RNF38: variants seen among roughly 807,000 people sequenced by gnomAD.
RNF38 encodes the protein ring finger protein 38.
A neutral mutation model predicts 67.2 loss-of-function variants in RNF38; 15 were observed. That is an observed-to-expected ratio of 0.22 (90% CI 0.15 to 0.34). RNF38 has a LOEUF of 0.34. RNF38 is among the 10% of genes least tolerant of loss of function. The pLI, the probability that RNF38 is intolerant of heterozygous loss-of-function variation, is 1.00. For missense variants in RNF38, 524 were observed against 639.9 expected (o/e 0.82, Z 1.95); for synonymous variants, 220 against 218.8 (o/e 1.01, Z -0.05).
chr9:36,387,498 TA>T (rs1256586737), intron 2 of RNF38, among the ~76,000 whole-genome samples: 1 of 152,198 alleles, frequency 6.6e-6, no homozygotes, highest in Admixed American at 6.5e-5. Flanking sequence ...TGCCTAATTT[TA>T]AAACTTTAAG....
upstream of RNF38, chr9:36,401,152 T>G: frequency 1.0e-6 from 1 of 982,684 alleles, no homozygotes; most frequent in Non-Finnish European, 1.2e-6. Context: ...TCCCCCAGGC[T>G]CCGCACCGCG....
At chr9:36,404,576 G>C (rs938125721), upstream of RNF38, among the ~76,000 whole-genome samples, 13 of 152,170 alleles carry the variant, frequency 8.5e-5, no homozygotes, top group African/African-American at 2.4e-4. Flanking sequence ...CTATTTACTT[G>C]AGTCTTTAAT....
At chr9:36,373,388 G>C (rs1343529534) in intron 3 of RNF38, among the ~76,000 whole-genome samples, 2 of 151,952 alleles carry the variant, frequency 1.3e-5, no homozygotes, top group Non-Finnish European at 2.9e-5. Flanking sequence ...ATTTAAAGGA[G>C]AACAGGCAAA....
chr9:36,344,362 A>G (rs1563993919), intron 10 of RNF38, among the ~76,000 whole-genome samples: 1 of 152,196 alleles, frequency 6.6e-6, no homozygotes, highest in Non-Finnish European at 1.5e-5. Context: ...TGTAAATTAT[A>G]TATCAATAAA....
intron 9 of RNF38, among the ~76,000 whole-genome samples, chr9:36,350,339 A>C (rs546453067): frequency 6.6e-6 from 1 of 152,348 alleles, no homozygotes; most frequent in African/African-American, 2.4e-5. Flanking sequence ...GTAGTGGCAG[A>C]GTTTGGACTC....
intron 2 of RNF38, among the ~76,000 whole-genome samples, chr9:36,382,506 TAAAGAA>T (rs927043980): frequency 2.0e-4 from 30 of 152,324 alleles, no homozygotes; most frequent in African/African-American, 6.3e-4. Context: ...CATTAAAGGC[TAAAGAA>T]AAACAATTTT....
At chr9:36,383,907 C>A (rs936631470) in intron 2 of RNF38, among the ~76,000 whole-genome samples, 5 of 151,940 alleles carry the variant, frequency 3.3e-5, no homozygotes, top group African/African-American at 9.7e-5. Context: ...GCAATCACAC[C>A]ATGATGAATA....
chr9:36,427,667 CTATCTATCTATCT>C (rs1838807968), intron 1 of RNF38, among the ~76,000 whole-genome samples: 1 of 31,110 alleles, frequency 3.2e-5, no homozygotes, highest in Non-Finnish European at 1.2e-4. Flanking sequence ...CTCTATCTAT[CTATCTATCTATCT>C]ATCTATCTAT....
intron 2 of RNF38, among the ~76,000 whole-genome samples, chr9:36,416,357 C>A (rs1211193385): frequency 1.3e-5 from 2 of 152,114 alleles, no homozygotes; most frequent in Admixed American, 1.3e-4. Flanking sequence ...CCTCCACAAC[C>A]AGCAAGGCCG....
At chr9:36,451,491 GTTTTTTTTTTTTTT>G (rs374396585) in intron 1 of RNF38, among the ~76,000 whole-genome samples, 10 of 58,670 alleles carry the variant, frequency 1.7e-4, no homozygotes, top group African/African-American at 3.3e-4. Context: ...AATTGTAGTA[GTTTTTTTTTTTTTT>G]TTTTTTTTTT....
At chr9:36,455,602 G>A (rs1022537956) in intron 1 of RNF38, among the ~76,000 whole-genome samples, 11 of 151,946 alleles carry the variant, frequency 7.2e-5, no homozygotes. Context: ...CCAAGATGGT[G>A]AAACCCCGTC....
chr9:36,477,680 G>T (rs145252043), intron 1 of RNF38, among the ~76,000 whole-genome samples: 1 of 151,690 alleles, frequency 6.6e-6, no homozygotes, highest in Admixed American at 6.6e-5. Context: ...AAAATTAGCC[G>T]GGCGTGGTGG....
intron 2 of RNF38, among the ~76,000 whole-genome samples, chr9:36,418,431 T>A (rs1838530744): frequency 6.6e-6 from 1 of 150,996 alleles, no homozygotes; most frequent in South Asian, 2.1e-4. Flanking sequence ...AGCAGGTGGA[T>A]CACTTGAGGA....
At chr9:36,390,432 A>C in intron 2 of RNF38, 35 bp downstream of exon 2, 1 of 1,559,132 alleles carries the variant, frequency 6.4e-7, no homozygotes, top group Non-Finnish European at 8.7e-7. Flanking sequence ...TGTGACTTTC[A>C]GCCCTATGTA....
upstream of RNF38, among the ~76,000 whole-genome samples, chr9:36,403,654 G>GA (rs1280043359): frequency 6.6e-6 from 1 of 152,124 alleles, no homozygotes; most frequent in African/African-American, 2.4e-5. Context: ...TACTGAACAG[G>GA]AAAATGCTGA....
chr9:36,392,000 C>T (rs148382135), intron 1 of RNF38, among the ~76,000 whole-genome samples: 1 of 152,254 alleles, frequency 6.6e-6, no homozygotes, highest in East Asian at 1.9e-4. Flanking sequence ...ACGCTAGGCA[C>T]TAGGTGCTAT....
intron 1 of RNF38, among the ~76,000 whole-genome samples, chr9:36,399,790 T>C (rs1837854639): frequency 6.6e-6 from 1 of 152,118 alleles, no homozygotes; most frequent in Non-Finnish European, 1.5e-5. Flanking sequence ...TTTTAAAGCC[T>C]ACATACAAGG....
intron 2 of RNF38, among the ~76,000 whole-genome samples, chr9:36,415,235 G>T: frequency 6.6e-6 from 1 of 151,944 alleles, no homozygotes; most frequent in Non-Finnish European, 1.5e-5. Flanking sequence ...GCTTTATTCA[G>T]TTTTTTTCTT....
In RNF38 at chr9:36,359,765, G is replaced by A. The variant is rs1834385174; in HGVS notation, c.571-1823C>T. Among the ~76,000 whole-genome samples the A allele has an allele frequency of 1.4e-5, 2 of 142,408 alleles. 1 individual carries two copies. The highest frequency in any genetic ancestry group is 4.4e-4 in the South Asian group (2 of 4,554). The allele number at this position is 142,408 out of a possible 152,430, so 93.4% of individuals were successfully genotyped here. ...TTTTTTTTTTTTGAGATGGAGTTTCGCCCAGGCTCCAGCCTTGTCGCCCAG... is the reference window on the plus strand; with the variant it reads ...TTTTTTTTTTTTGAGATGGAGTTTCACCCAGGCTCCAGCCTTGTCGCCCAG... On this transcript the variant is annotated intron_variant, in intron 4 of 11. Coordinates refer to ENST00000259605, the MANE Select transcript of RNF38 (RefSeq NM_022781.5).
Sources: gnomAD v4.1 joint callset for allele counts (sites outside exome capture counted in the v4.1 genomes callset) on GRCh38, gnomAD v4.1.1 for gene constraint, MANE v1.5 for transcripts, NCBI Gene and HGNC (gene_info 2026-07-23, HGNC 2026-07-21) for gene names.